Variants in NOL10 observed in about 807,000 individuals in gnomAD.
NOL10 encodes nucleolar protein 10, also known as H_NH0074G24.1.
NOL10 carries 58 observed loss-of-function variants against 103.5 expected under a neutral mutation model. The observed-to-expected ratio is 0.56, with a 90% CI of 0.45 to 0.70. The LOEUF (loss-of-function observed/expected upper bound fraction) is 0.70, where lower values mean the gene tolerates loss of function less well. Ranked by LOEUF, NOL10 falls within the 30% of genes least tolerant of loss-of-function variation. The probability of loss-of-function intolerance (pLI) is 0.00; values close to 1 mark genes in which losing one functional copy is unlikely to be tolerated. For synonymous variants in NOL10, 287 were observed against 282.5 expected (o/e 1.02, Z -0.16); for missense variants, 763 against 807.3 (o/e 0.95, Z 0.67).
intron 8 of NOL10, among the ~76,000 whole-genome samples, chr2:10,665,896 T>A (rs538298927): frequency 6.6e-6 from 1 of 152,214 alleles, no homozygotes; most frequent in Non-Finnish European, 1.5e-5. Context: ...CAACTTCAAC[T>A]TCTTTGTTAG....
chr2:10,607,004 TTTCTC>T (rs1424330123), intron 14 of NOL10, among the ~76,000 whole-genome samples, 176 bp downstream of exon 14: 7 of 152,238 alleles, frequency 4.6e-5, no homozygotes, highest in Non-Finnish European at 5.9e-5. Flanking sequence ...TACTTGAACT[TTTCTC>T]TAAGGAGAAA....
At chr2:10,575,718 G>A (rs967365888) in intron 20 of NOL10, among the ~76,000 whole-genome samples, 7 of 152,182 alleles carry the variant, frequency 4.6e-5, no homozygotes, top group African/African-American at 1.7e-4. Flanking sequence ...ACTCAACCCA[G>A]CAGAGGGGCC....
rs1375039079 is a variant in NOL10 at position 10,577,642 on chromosome 2, T to C, written c.1941A>G (p.Leu647=). The part of the protein sequence containing the change: ...TVGSKQLTFT[L]KRSEQQKKQQ... The stretch of plus-strand genomic sequence containing the variant: ...ACAATAAAAGACAACTCACCCTCTT[T>C]AACGTGAATGTCAATTGTTTGCTGC... The change falls in exon 20 of 21, where the codon TTA becomes TTG. Residue 647 remains leucine, a synonymous_variant. Coordinates refer to ENST00000381685, the MANE Select transcript of NOL10 (RefSeq NM_024894.4). The C allele has an allele frequency of 1.9e-6, 3 of 1,607,358 alleles. No individual in the cohort carries two copies. The highest frequency in any genetic ancestry group is 1.1e-5 in the South Asian group (1 of 89,864).
chr2:10,636,560 T>C (rs925637637), intron 13 of NOL10, among the ~76,000 whole-genome samples: 1 of 149,628 alleles, frequency 6.7e-6, no homozygotes, highest in Non-Finnish European at 1.5e-5. Context: ...CAGTGAGCCA[T>C]GATCACACCA....
intron 13 of NOL10, among the ~76,000 whole-genome samples, chr2:10,612,868 A>T (rs1465352712): frequency 2.0e-5 from 3 of 152,016 alleles, no homozygotes; most frequent in African/African-American, 7.2e-5. Flanking sequence ...ATTTTTTAAA[A>T]ATATTAAAAA....
chr2:10,578,820 TG>T (rs1208756667), intron 19 of NOL10, among the ~76,000 whole-genome samples: 50 of 152,204 alleles, frequency 3.3e-4, no homozygotes, highest in Non-Finnish European at 2.4e-4. Flanking sequence ...CCTATCCCCC[TG>T]ATAAGATTGA....
intron 13 of NOL10, among the ~76,000 whole-genome samples, chr2:10,639,918 C>T (rs1678583916): frequency 6.6e-6 from 1 of 152,086 alleles, no homozygotes; most frequent in Non-Finnish European, 1.5e-5. Flanking sequence ...CATTTGGTCT[C>T]AAAGGACAAG....
At chr2:10,617,819 G>C (rs1315513395) in intron 13 of NOL10, among the ~76,000 whole-genome samples, 1 of 152,166 alleles carries the variant, frequency 6.6e-6, no homozygotes, top group East Asian at 1.9e-4. Flanking sequence ...GTACAACATG[G>C]ACGGGCCGGG....
In NOL10 at chr2:10,668,711, A is replaced by G. The variant is rs1434401104; in HGVS notation, c.477T>C (p.Tyr159=). 1 of 1,519,902 alleles carries G rather than the reference A, an allele frequency of 6.6e-7. No homozygotes were observed. Among genetic ancestry groups the G allele is most frequent in the Non-Finnish European group, 9.0e-7 (1 of 1,115,652 alleles). The allele number at this position is 1,519,902 out of a possible 1,614,324, so 94.2% of individuals were successfully genotyped here. Residue 159 remains tyrosine, a synonymous_variant, in exon 7 of 21, where the codon TAT becomes TAC. Transcript: ENST00000381685. ...LYFVGASSEV[Y]RLNLEQGRYL... is the part of the protein sequence containing the mutation. ...ATCGTCCTTGTTCTAAGTTTAACCTATAAACTTCAGAACTGTAAAGTAATA... is the reference window on the plus strand; with the variant it reads ...ATCGTCCTTGTTCTAAGTTTAACCTGTAAACTTCAGAACTGTAAAGTAATA...
chr2:10,618,245 T>TAA lies in NOL10; in HGVS notation c.1027-10936_1027-10935dup, dbSNP rs34176271. On this transcript the variant is annotated intron_variant, in intron 13 of 20. Coordinates refer to ENST00000381685, the MANE Select transcript of NOL10 (RefSeq NM_024894.4). ...TTATGTCTTTAAAAAGCTGTTTTTT[T>TAA]AAAAAAAAATGAATTAAGGAGGTTA... Among the ~76,000 whole-genome samples the TAA allele has an allele frequency of 6.8e-3, 1,022 of 150,876 alleles. 12 individuals carry two copies. The highest frequency in any genetic ancestry group is 0.02 in the South Asian group (94 of 4,788).
chr2:10,630,530 G>A (rs987226664), intron 13 of NOL10, among the ~76,000 whole-genome samples: 16 of 152,034 alleles, frequency 1.1e-4, no homozygotes, highest in Non-Finnish European at 1.5e-5. Context: ...GGCTAACACA[G>A]TGAAACCCCG....
At chr2:10,676,634 T>C (rs1267203272) in intron 3 of NOL10, among the ~76,000 whole-genome samples, 1 of 147,380 alleles carries the variant, frequency 6.8e-6, no homozygotes, top group African/African-American at 2.5e-5. Context: ...CTTTGGCACT[T>C]TGTCTTTTTT....
At chr2:10,609,470 G>T (rs1019654478) in intron 13 of NOL10, among the ~76,000 whole-genome samples, 3 of 151,502 alleles carry the variant, frequency 2.0e-5, no homozygotes, top group African/African-American at 4.9e-5. Context: ...CGCGGTGGCG[G>T]ATGCCTGTAG....
At chr2:10,613,268 T>C (rs879498324) in intron 13 of NOL10, among the ~76,000 whole-genome samples, 8 of 152,206 alleles carry the variant, frequency 5.3e-5, no homozygotes, top group Admixed American at 2.0e-4. Flanking sequence ...GCAATACTTA[T>C]GTGGAAGGAC....
intron 13 of NOL10, among the ~76,000 whole-genome samples, chr2:10,639,716 T>C (rs555228369): frequency 2.3e-4 from 35 of 152,304 alleles, no homozygotes; most frequent in African/African-American, 7.9e-4. Context: ...GATTAAATTA[T>C]GTTTCAGAGG....
rs1394920030 is a variant in NOL10 at position 10,586,292 on chromosome 2, T to A, written c.1844+2751A>T. On this transcript the variant is annotated intron_variant, in intron 19 of 20. Transcript: ENST00000381685. ...GTTACATTACTAACAACCAGTGAAC[T>A]GCATGCTTTAAGCAGATGAATTGTA... 2.0e-5 allele frequency among the ~76,000 whole-genome samples: 3 copies of A among 151,922 alleles called. No homozygotes were observed. The South Asian group carries it at 6.2e-4, about 32-fold the overall frequency.
intron 17 of NOL10, among the ~76,000 whole-genome samples, chr2:10,591,554 A>G (rs1019222435): frequency 6.6e-6 from 1 of 152,104 alleles, no homozygotes; most frequent in African/African-American, 2.4e-5. Flanking sequence ...AAATACCATG[A>G]CTGTTATTTT....
chr2:10,677,839 T>TTGTGTGTGTG (rs58970211), intron 3 of NOL10, among the ~76,000 whole-genome samples: 35 of 146,838 alleles, frequency 2.4e-4, no homozygotes, highest in South Asian at 6.6e-4. Flanking sequence ...TTTAATACAT[T>TTGTGTGTGTG]TGTGTGTGTG....
chr2:10,678,864 T>G (rs1046492628), intron 3 of NOL10, among the ~76,000 whole-genome samples: 1 of 152,178 alleles, frequency 6.6e-6, no homozygotes, highest in Non-Finnish European at 1.5e-5. Context: ...GACTCTACAA[T>G]TGTGCTGTCC....
Sources: gnomAD v4.1 joint callset for allele counts (sites outside exome capture counted in the v4.1 genomes callset) on GRCh38, gnomAD v4.1.1 for gene constraint, MANE v1.5 for transcripts, NCBI Gene and HGNC (gene_info 2026-07-23, HGNC 2026-07-21) for gene names.